PRKD1: variants seen among roughly 807,000 people sequenced by gnomAD.
PRKD1 encodes protein kinase D1, also known as serine/threonine-protein kinase D1.
In PRKD1, 63 loss-of-function variants were observed where a neutral mutation model predicts 95.9. The observed-to-expected ratio is 0.66, with a 90% CI of 0.54 to 0.81. The LOEUF is 0.81. Among genes scored for constraint, PRKD1 ranks in the 30% least tolerant of loss-of-function variants. PRKD1 has a pLI of 0.00. For synonymous variants in PRKD1, 425 were observed against 423.1 expected, an observed-to-expected ratio of 1.00 and a Z score of -0.05; for missense variants, 1,048 against 1,165.3, an observed-to-expected ratio of 0.90 and a Z score of 1.47.
intron 13 of PRKD1, among the ~76,000 whole-genome samples, chr14:29,617,199 A>AT (rs749329574): frequency 6.6e-6 from 1 of 151,978 alleles, no homozygotes; most frequent in Non-Finnish European, 1.5e-5. Context: ...CCAGTCTACC[A>AT]TTTTTCACCA....
At chr14:29,815,122 A>T (rs951849584) in intron 1 of PRKD1, among the ~76,000 whole-genome samples, 2 of 152,234 alleles carry the variant, frequency 1.3e-5, no homozygotes, top group African/African-American at 2.4e-5. Context: ...AAGCCTTCTT[A>T]AAAAAGTGCA....
intron 1 of PRKD1, among the ~76,000 whole-genome samples, chr14:29,849,472 A>G (rs1042331889): frequency 6.6e-6 from 1 of 152,122 alleles, no homozygotes; most frequent in African/African-American, 2.4e-5. Flanking sequence ...AAATTCCTCA[A>G]AACAGACACC....
At chr14:29,703,613 AAAAGGAAGATGTAGGTAT>A (rs1312885707) in intron 2 of PRKD1, among the ~76,000 whole-genome samples, 3 of 152,234 alleles carry the variant, frequency 2.0e-5, no homozygotes, top group Non-Finnish European at 2.9e-5. Context: ...TGGAGAGTAG[AAAAGGAAGATGTAGGTAT>A]AAAGGAAGAT....
At chr14:29,804,697 C>A (rs930203583) in intron 1 of PRKD1, among the ~76,000 whole-genome samples, 1 of 152,062 alleles carries the variant, frequency 6.6e-6, no homozygotes, top group Non-Finnish European at 1.5e-5. Flanking sequence ...TTAGAAAGAT[C>A]ATCCCCTGAG....
intron 1 of PRKD1, among the ~76,000 whole-genome samples, chr14:29,849,356 A>G (rs1203526139): frequency 1.3e-5 from 2 of 152,222 alleles, no homozygotes; most frequent in African/African-American, 2.4e-5. Flanking sequence ...ACCATGAGCC[A>G]ATTAAACCTC....
chr14:29,638,659 G>A, intron 5 of PRKD1, 35 bp downstream of exon 5: 1 of 1,611,906 alleles, frequency 6.2e-7, no homozygotes, highest in Non-Finnish European at 8.5e-7. Context: ...GAATGAGGGT[G>A]ATCAAAGTTC....
intron 1 of PRKD1, among the ~76,000 whole-genome samples, chr14:29,841,979 A>C (rs147348120): frequency 7.2e-4 from 110 of 152,234 alleles, no homozygotes; most frequent in Non-Finnish European, 1.5e-3. Flanking sequence ...GTTAAAAACT[A>C]AGGCACAAAT....
chr14:29,916,421 A>G (rs1894889523), intron 1 of PRKD1, among the ~76,000 whole-genome samples: 1 of 152,216 alleles, frequency 6.6e-6, no homozygotes, highest in Non-Finnish European at 1.5e-5. Flanking sequence ...TCAGAAGCCC[A>G]CAGACTTTGC....
intron 1 of PRKD1, among the ~76,000 whole-genome samples, chr14:29,900,708 A>T (rs1894290898): frequency 6.6e-6 from 1 of 152,200 alleles, no homozygotes; most frequent in Non-Finnish European, 1.5e-5. Flanking sequence ...AAGACATACA[A>T]GCAACAACAA....
Position 29,714,320 on chromosome 14 carries a change from C to T in PRKD1, c.403+11216G>A, listed in dbSNP as rs566142376. On this transcript the variant is annotated intron_variant, in intron 2 of 17. Transcript: ENST00000331968. ...GTGAAGGATATGAACAGACACTTCT[C>T]AAAAGAAGACATTTATGCAGCCAAC... Among the ~76,000 whole-genome samples the T allele has an allele frequency of 2.6e-5, 4 of 152,210 alleles. No homozygotes were observed. The East Asian group carries it at 7.7e-4, about 29-fold the overall frequency.
intron 1 of PRKD1, among the ~76,000 whole-genome samples, chr14:29,779,310 TAA>T (rs1029841612): frequency 8.5e-5 from 13 of 152,060 alleles, no homozygotes; most frequent in African/African-American, 2.9e-4. Flanking sequence ...GAGAAAGAAA[TAA>T]AGAGTATTCA....
chr14:29,594,017 C>A, intron 16 of PRKD1: 2 of 389,448 alleles, frequency 5.1e-6, no homozygotes, highest in Non-Finnish European at 1.0e-5. Context: ...CCAGTCTAAG[C>A]CCTTGATTTC....
At chr14:29,670,395 C>A (rs1379580946) in intron 2 of PRKD1, among the ~76,000 whole-genome samples, 1 of 152,130 alleles carries the variant, frequency 6.6e-6, no homozygotes, top group Non-Finnish European at 1.5e-5. Flanking sequence ...AGGAATTGTA[C>A]AGAATCCTGA....
intron 13 of PRKD1, among the ~76,000 whole-genome samples, chr14:29,608,053 C>A (rs1878144168): frequency 6.6e-6 from 1 of 152,138 alleles, no homozygotes; most frequent in South Asian, 2.1e-4. Context: ...TATAAATTAA[C>A]ATATTCAAAT....
intron 2 of PRKD1, among the ~76,000 whole-genome samples, chr14:29,685,459 C>T (rs901467003): frequency 9.2e-5 from 14 of 152,142 alleles, no homozygotes; most frequent in African/African-American, 3.4e-4. Context: ...AAAACAAAGA[C>T]CACTGCAAGG....
At chr14:29,663,551 A>G (rs990809740) in intron 4 of PRKD1, 148 bp downstream of exon 4, 13 of 826,632 alleles carry the variant, frequency 1.6e-5, no homozygotes, top group Non-Finnish European at 2.4e-5. Context: ...ACACTGACCA[A>G]TCTACAGCAC....
At chr14:29,642,110 T>A (rs1036195597) in intron 4 of PRKD1, among the ~76,000 whole-genome samples, 1 of 151,422 alleles carries the variant, frequency 6.6e-6, no homozygotes, top group African/African-American at 2.4e-5. Flanking sequence ...TCCATGTTCG[T>A]CAGGCTGGTC....
chr14:29,728,005 T>C lies in PRKD1; in HGVS notation c.265-2331A>G, dbSNP rs560589131. Reference sequence around the variant, plus strand: ...AAGGGGAACATCACACTCTGGGGACTGTTGTGGGGTGGGGCGAGGGGGGAG... The same window carrying C: ...AAGGGGAACATCACACTCTGGGGACCGTTGTGGGGTGGGGCGAGGGGGGAG... On this transcript the variant is annotated intron_variant, in intron 1 of 17. Coordinates refer to ENST00000331968, the MANE Select transcript of PRKD1 (RefSeq NM_002742.3). 4.7e-4 allele frequency among the ~76,000 whole-genome samples: 71 copies of C among 149,860 alleles called. 1 individual carries two copies. The highest frequency in any genetic ancestry group is 1.3e-3 in the Admixed American group (20 of 14,926).
rs1292715283 is a variant in PRKD1, at chr14:29,626,563, G to A, written c.1726-7C>T. ...GATATACTGTGCTGATGTCCTAGAG[G>A]TACAAGCCCAATGAAAAAAAAACAT... On this transcript the variant is annotated splice_region_variant and splice_polypyrimidine_tract_variant and intron_variant, in intron 11 of 17. Transcript: ENST00000331968. 4.5e-6 allele frequency: 7 copies of A among 1,564,600 alleles called. No homozygotes were observed. Among genetic ancestry groups the A allele is most frequent in the Non-Finnish European group, 6.1e-6 (7 of 1,155,366 alleles).
Sources: allele counts gnomAD v4.1 joint callset (sites outside exome capture counted in the v4.1 genomes callset), GRCh38; gene constraint gnomAD v4.1.1; transcripts MANE v1.5; gene names NCBI Gene and HGNC (gene_info 2026-07-23, HGNC 2026-07-21).